GLIS3: variants seen among roughly 807,000 people sequenced by gnomAD.
GLIS3 encodes the protein zinc finger protein GLIS3.
Under a neutral mutation model 78.6 loss-of-function variants are expected in GLIS3, and 53 were observed. That is an observed-to-expected ratio of 0.67 (90% CI 0.54 to 0.85). The LOEUF (loss-of-function observed/expected upper bound fraction) is 0.85, where lower values mean the gene tolerates loss of function less well. Among genes scored for constraint, GLIS3 ranks in the 40% least tolerant of loss-of-function variants. The pLI is 0.00. For synonymous variants in GLIS3, 684 were observed against 509.9 expected, an observed-to-expected ratio of 1.34 and a Z score of -4.60; for missense variants, 1,703 against 1,231.1, an observed-to-expected ratio of 1.38 and a Z score of -5.74.
chr9:4,076,015 G>A lies in GLIS3; in HGVS notation c.1710+41753C>T, dbSNP rs188831373. On this transcript the variant is annotated intron_variant, in intron 4 of 10. Coordinates refer to ENST00000381971, the MANE Select transcript of GLIS3 (RefSeq NM_001042413.2). ...GAAGAAAAAATTAGTACTTTGTGAG[G>A]TGATGGAAATGTTCCATATATTGAC... Among the ~76,000 whole-genome samples the A allele has an allele frequency of 2.6e-3, 393 of 152,298 alleles. 2 individuals are homozygous for A. The highest frequency in any genetic ancestry group is 9.0e-3 in the African/African-American group (376 of 41,564).
At chr9:4,455,818 A>G in the GLIS3 span, among the ~76,000 whole-genome samples, 4 of 152,178 alleles carry the variant, frequency 2.6e-5, no homozygotes, top group African/African-American at 9.7e-5. Flanking sequence ...AGTACATATA[A>G]AAGTTATGTT....
the GLIS3 span, among the ~76,000 whole-genome samples, chr9:4,447,296 CT>C: frequency 6.6e-6 from 1 of 152,044 alleles, no homozygotes; most frequent in Non-Finnish European, 1.5e-5. Flanking sequence ...ATCCTCCTGC[CT>C]TGGCCTCCTA....
chr9:4,424,331 A>G, the GLIS3 span, among the ~76,000 whole-genome samples: 3 of 152,160 alleles, frequency 2.0e-5, no homozygotes, highest in Admixed American at 6.5e-5. Flanking sequence ...GAAATTATGC[A>G]GTTAGAAGGA....
chr9:3,844,052 C>A (rs2130103690), intron 9 of GLIS3, among the ~76,000 whole-genome samples: 1 of 152,318 alleles, frequency 6.6e-6, no homozygotes, highest in Non-Finnish European at 1.5e-5. Context: ...AGAGCACTCA[C>A]AATTCTACGT....
chr9:4,017,024 G>A (rs1822500630), intron 4 of GLIS3, among the ~76,000 whole-genome samples: 1 of 152,138 alleles, frequency 6.6e-6, no homozygotes, highest in South Asian at 2.1e-4. Context: ...CGGCCATCAT[G>A]TGCCTGTCAT....
the GLIS3 span, among the ~76,000 whole-genome samples, chr9:4,397,667 AGGGAGGGAGGAAGGGAGGGAGGGAGGG>A: frequency 0.014 from 147 of 10,716 alleles, no homozygotes; most frequent in Non-Finnish European, 0.031. Context: ...GAAGGAAGGA[AGGGAGGGAGGAAGGGAGGGAGGGAGGG>A]AGGGAGGGAG....
intron 4 of GLIS3, among the ~76,000 whole-genome samples, chr9:4,020,146 C>A (rs922450948): frequency 2.0e-5 from 3 of 152,032 alleles, no homozygotes; most frequent in African/African-American, 7.2e-5. Context: ...AAGTGGGTAA[C>A]AGGAGAAGAG....
the GLIS3 span, among the ~76,000 whole-genome samples, chr9:4,466,634 A>C: frequency 6.6e-6 from 1 of 152,260 alleles, no homozygotes; most frequent in Non-Finnish European, 1.5e-5. Context: ...TGTATCAGGC[A>C]AAACCCAATT....
intron 4 of GLIS3, among the ~76,000 whole-genome samples, chr9:4,030,905 T>A (rs995414553): frequency 2.6e-5 from 4 of 152,336 alleles, no homozygotes; most frequent in Middle Eastern, 3.4e-3. Context: ...CTCAAAAAGA[T>A]GCTCGGCATC....
At position 4,055,665 on chromosome 9, in the gene GLIS3, G is replaced by A. The variant is rs182028879; in HGVS notation, c.1710+62103C>T. ...CCCCGCAGAGGAAACGAGGAATGAT[G>A]GTGTTATCACTTTCAATGGCAGGCT... On this transcript the variant is annotated intron_variant, in intron 4 of 10. Transcript: ENST00000381971. 4.1e-4 allele frequency among the ~76,000 whole-genome samples: 62 copies of A among 152,274 alleles called. 1 individual carries two copies. In the East Asian group the frequency reaches 7.3e-3, roughly 18 times the overall value.
chr9:4,147,270 T>G (rs1047791642), intron 2 of GLIS3: 18 of 152,206 alleles, frequency 1.2e-4, no homozygotes, highest in African/African-American at 4.3e-4. Context: ...GGAATTTCAA[T>G]TTGGAATTTC....
chr9:4,051,634 A>G (rs1414428112), intron 4 of GLIS3, among the ~76,000 whole-genome samples: 3 of 152,226 alleles, frequency 2.0e-5, no homozygotes, highest in African/African-American at 7.2e-5. Context: ...ATATTATTTG[A>G]AAACTGAGTT....
At chr9:4,154,235 G>T (rs1834890036) in intron 2 of GLIS3, among the ~76,000 whole-genome samples, 2 of 152,128 alleles carry the variant, frequency 1.3e-5, no homozygotes, top group South Asian at 4.1e-4. Context: ...CAAATTCAAG[G>T]GGGTAGAGAA....
chr9:4,060,071 A>G (rs1189710292), intron 4 of GLIS3, among the ~76,000 whole-genome samples: 1 of 152,070 alleles, frequency 6.6e-6, no homozygotes, highest in African/African-American at 2.4e-5. Context: ...CAACCTGGTC[A>G]ACTCATGTGA....
In GLIS3 at chr9:3,898,666, T is replaced by C. The variant is rs558256107; in HGVS notation, c.2128+25A>G. 2.5e-6 allele frequency: 4 copies of C among 1,614,008 alleles called. No individual in the cohort carries two copies. In the South Asian group the frequency reaches 3.3e-5, roughly 13 times the overall value. Reference sequence around the variant, plus strand: ...AAGGCCTAAAAAAGGGTAGTTGTGGTTGGCTCTGCCTTTGCTGTCTTTACC... The same window carrying C: ...AAGGCCTAAAAAAGGGTAGTTGTGGCTGGCTCTGCCTTTGCTGTCTTTACC... On this transcript the variant is annotated intron_variant, in intron 7 of 10. Coordinates refer to ENST00000381971, the MANE Select transcript of GLIS3 (RefSeq NM_001042413.2).
chr9:4,118,741 A>C lies in GLIS3; in HGVS notation c.737T>G (p.Leu246Arg). 2 of 1,614,024 alleles carry C rather than the reference A, an allele frequency of 1.2e-6. No individual in the cohort carries two copies. Among genetic ancestry groups the C allele is most frequent in the Non-Finnish European group, 1.7e-6 (2 of 1,180,012 alleles). Residue 246 changes from leucine to arginine, a missense_variant, in exon 4 of 11, where the codon CTT (leucine) becomes CGT (arginine). Coordinates refer to ENST00000381971, the MANE Select transcript of GLIS3 (RefSeq NM_001042413.2). The surrounding 1 kb of genome is among the most constrained non-coding windows in gnomAD (Gnocchi z 4.7). ...SLSNHGSQNG[L>R]DLGDLLSLPP... ...AAGGCTAAGGAGATCCCCTAGATCA[A>C]GGCCATTCTGAGAGCCGTGGTTGGA... is the stretch of plus-strand genomic sequence containing the variant.
the GLIS3 span, among the ~76,000 whole-genome samples, chr9:4,394,878 T>C: frequency 6.6e-6 from 1 of 152,258 alleles, no homozygotes; most frequent in Admixed American, 6.5e-5. Flanking sequence ...AATATCTTTA[T>C]ACTTGGAGAC....
At chr9:4,103,292 T>G (rs961288255) in intron 4 of GLIS3, among the ~76,000 whole-genome samples, 1 of 152,156 alleles carries the variant, frequency 6.6e-6, no homozygotes, top group Non-Finnish European at 1.5e-5. Context: ...ACAGGAGCCT[T>G]GAACATTTAG....
At chr9:3,869,189 T>A (rs1716190737) in intron 8 of GLIS3, among the ~76,000 whole-genome samples, 1 of 152,198 alleles carries the variant, frequency 6.6e-6, no homozygotes, top group African/African-American at 2.4e-5. Context: ...TAGATTTTGA[T>A]ATGCTTAATA....
Sources: allele counts gnomAD v4.1 joint callset (sites outside exome capture counted in the v4.1 genomes callset), GRCh38; gene constraint gnomAD v4.1.1; non-coding constraint Gnocchi (gnomAD v3.1); transcripts MANE v1.5; gene names NCBI Gene and HGNC (gene_info 2026-07-23, HGNC 2026-07-21).